The following ZNF7 variants were observed in gnomAD, a reference collection of about 807,000 sequenced individuals.
ZNF7 encodes zinc finger protein 7.
A neutral mutation model predicts 12.0 loss-of-function variants in ZNF7; 10 were observed. The ratio of observed to expected loss-of-function variants is 0.83; its 90% confidence interval spans 0.51 to 1.42. The LOEUF is 1.42. Among genes scored for constraint, ZNF7 ranks in the 40% most tolerant of loss-of-function variants. The pLI, the probability that ZNF7 is intolerant of heterozygous loss-of-function variation, is 0.00. For synonymous variants in ZNF7, 334 were observed against 295.0 expected (o/e 1.13, Z -1.35); for missense variants, 854 against 837.2 (o/e 1.02, Z -0.25).
chr8:144,845,952 G>T (rs144145548), downstream of ZNF7: 1 of 1,534,912 alleles, frequency 6.5e-7, no homozygotes, highest in East Asian at 2.4e-5. Context: ...TAGCACAGGG[G>T]TTGCTGTTGC....
At position 144,842,645 on chromosome 8, in the gene ZNF7, TTTAC is replaced by T. The variant is rs777122818; in HGVS notation, c.1539_1542del (p.Tyr514IlefsTer22). 6.2e-7 allele frequency: 1 copy of T among 1,614,170 alleles called. No homozygotes were observed. The highest frequency in any genetic ancestry group is 8.5e-7 in the Non-Finnish European group (1 of 1,180,052). On this transcript the variant is annotated frameshift_variant, in exon 5 of 5. Coordinates refer to ENST00000532777, the MANE Select transcript of ZNF7 (RefSeq NM_003416.4). LOFTEE classifies it low-confidence loss of function (END_TRUNC). ...GCCTTCAGTCAGAGTTCCAGCCTTA[TTTAC>T]CATCAGAGAATCCATAAAGGAGAGA...
intron 3 of ZNF7, among the ~76,000 whole-genome samples, chr8:144,831,509 C>T (rs1011375301): frequency 6.6e-6 from 1 of 152,134 alleles, no homozygotes; most frequent in Non-Finnish European, 1.5e-5. Flanking sequence ...TAGGGCCGGG[C>T]GCGGTGGCTC....
intron 3 of ZNF7, chr8:144,836,597 T>C (rs926383035): frequency 1.3e-5 from 2 of 152,286 alleles, no homozygotes; most frequent in African/African-American, 2.4e-5. Context: ...GGAGAGGATA[T>C]GCATTTTCTG....
intron 3 of ZNF7, 94 bp downstream of exon 3, chr8:144,829,698 G>T (rs878944113): frequency 6.8e-7 from 1 of 1,475,386 alleles, no homozygotes; most frequent in Non-Finnish European, 9.1e-7. Context: ...CAGGCCAAAC[G>T]CTCAGACCCT....
At position 144,842,510 on chromosome 8, in the gene ZNF7, C is replaced by T; in HGVS notation, c.1403C>T (p.Pro468Leu). Residue 468 changes from proline to leucine, a missense_variant, in exon 5 of 5, where the codon CCA becomes CTA. Coordinates refer to ENST00000532777, the MANE Select transcript of ZNF7 (RefSeq NM_003416.4). ...RHQRTHTGEK[P>L]FKCDECGKGF... ...CAGAGAACTCACACTGGAGAAAAAC[C>T]ATTTAAATGTGATGAGTGTGGCAAA... 9.3e-6 allele frequency: 15 copies of T among 1,614,160 alleles called. No individual in the cohort carries two copies. Among genetic ancestry groups the T allele is most frequent in the Non-Finnish European group, 1.3e-5 (15 of 1,180,040 alleles).
At chr8:144,829,226 G>C (rs1205286653) in intron 2 of ZNF7, 136 bp downstream of exon 2, 3 of 1,559,690 alleles carry the variant, frequency 1.9e-6, no homozygotes, top group Non-Finnish European at 2.6e-6. Context: ...CCAACCCCAA[G>C]GTAGTGAGCA....
rs1283697071 is a variant in ZNF7, at chr8:144,842,030, G to A, written c.923G>A (p.Cys308Tyr). Reference protein sequence around the residue: ...RIHTGEKPYRCEECGKAFGQS... With the variant: ...RIHTGEKPYRYEECGKAFGQS... ...CACACTGGGGAGAAGCCCTACAGAT[G>A]TGAGGAATGTGGAAAAGCTTTTGGT... Residue 308 changes from cysteine to tyrosine, a missense_variant, in exon 5 of 5, where the codon TGT becomes TAT. Coordinates refer to ENST00000532777, the MANE Select transcript of ZNF7 (RefSeq NM_003416.4). 2 of 1,614,214 alleles carry A rather than the reference G, an allele frequency of 1.2e-6. No individual in the cohort carries two copies. The highest frequency in any genetic ancestry group is 8.5e-7 in the Non-Finnish European group (1 of 1,180,026).
intron 3 of ZNF7, among the ~76,000 whole-genome samples, chr8:144,831,484 A>G (rs113532561): frequency 3.4e-4 from 51 of 152,196 alleles, no homozygotes; most frequent in Non-Finnish European, 6.5e-4. Context: ...AAAGGGTTTT[A>G]TAAAAACACT....
intron 2 of ZNF7, 108 bp downstream of exon 2, chr8:144,829,198 A>C: frequency 6.3e-7 from 1 of 1,583,584 alleles, no homozygotes; most frequent in Non-Finnish European, 8.6e-7. Context: ...TGCTGGGCTT[A>C]GGAAGGCCCC....
At chr8:144,830,935 T>A (rs757377033) in intron 3 of ZNF7, 2 of 457,328 alleles carry the variant, frequency 4.4e-6, no homozygotes, top group South Asian at 3.1e-5. Context: ...TCACAGCTTT[T>A]AGTGACCCCA....
intron 4 of ZNF7, chr8:144,838,175 C>T (rs781038168): frequency 4.3e-6 from 3 of 702,272 alleles, no homozygotes; most frequent in South Asian, 3.0e-5. Context: ...ATCTCCGACT[C>T]CTTCACACGG....
chr8:144,846,391 C>T (rs950698073), downstream of ZNF7: 1 of 560,660 alleles, frequency 1.8e-6, no homozygotes, highest in African/African-American at 1.9e-5. Context: ...CATTTGAAAA[C>T]TATGTTAAAA....
At chr8:144,841,142 C>A (rs1829852865) in intron 4 of ZNF7, 2 of 570,836 alleles carry the variant, frequency 3.5e-6, no homozygotes, top group Admixed American at 6.5e-5. Context: ...AATGAACATT[C>A]ATTGCTATCG....
At position 144,843,562 on chromosome 8, in the gene ZNF7, T is replaced by A. The variant is rs1022559532; in HGVS notation, c.*394T>A. ...GAGATCGCGCCACTGCACTCCAGCCTGGGTGACAGAGTGAGACTCCCTCTC... is the reference window on the plus strand; with the variant it reads ...GAGATCGCGCCACTGCACTCCAGCCAGGGTGACAGAGTGAGACTCCCTCTC... On this transcript the variant is annotated 3_prime_UTR_variant, in exon 5 of 5. Transcript: ENST00000532777. 2.2e-5 allele frequency: 3 copies of A among 133,548 alleles called. No homozygotes were observed. The highest frequency in any genetic ancestry group is 1.8e-4 in the Admixed American group (2 of 10,990). The allele number at this position is 133,548 out of a possible 1,614,324, so 8.3% of individuals were successfully genotyped here. A position where few individuals can be genotyped will look rare whatever the true frequency, so the allele number is the denominator to read the frequency against.
At position 144,841,780 on chromosome 8, in the gene ZNF7, T is replaced by C; in HGVS notation, c.673T>C (p.Cys225Arg). The C allele has an allele frequency of 1.2e-6, 2 of 1,614,148 alleles. No individual in the cohort carries two copies. The highest frequency in any genetic ancestry group is 1.7e-5 in the Admixed American group (1 of 60,024). Reference sequence around the variant, plus strand: ...AATTAATACACAGAAAATTAGCAGATGTCAAGAATGCCAAAAAAAGTTATC... The same window carrying C: ...AATTAATACACAGAAAATTAGCAGACGTCAAGAATGCCAAAAAAAGTTATC... ...WEINTQKISR[C>R]QECQKKLSDC... The change falls in exon 5 of 5, where the codon TGT becomes CGT. Residue 225 changes from cysteine (C) to arginine (R), a missense_variant. Transcript: ENST00000532777.
downstream of ZNF7, among the ~76,000 whole-genome samples, chr8:144,845,176 T>C (rs930199677): frequency 6.6e-6 from 1 of 152,174 alleles, no homozygotes; most frequent in African/African-American, 2.4e-5. Context: ...TTTCATTCTT[T>C]GTAGAAGCTC....
At chr8:144,833,831 A>C (rs1828710810) in intron 3 of ZNF7, 1 of 151,798 alleles carries the variant, frequency 6.6e-6, no homozygotes, top group African/African-American at 2.4e-5. Context: ...CCCAGGCTCG[A>C]GTGCAATGGC....
Position 144,838,035 on chromosome 8 carries a change from G to C in ZNF7, c.247+528G>C, listed in dbSNP as rs575720764. ...GTGGAGGCCGGAAATCTGAAACCGG[G>C]GGGTCAGCAAGCAGGGCCGTGCCCC... On this transcript the variant is annotated intron_variant, in intron 4 of 4. Coordinates refer to ENST00000532777, the MANE Select transcript of ZNF7 (RefSeq NM_003416.4). 44 of 697,680 alleles carry C rather than the reference G, an allele frequency of 6.3e-5. 1 individual carries two copies. In the East Asian group the frequency reaches 1.1e-3, roughly 17 times the overall value. 43.2% of individuals were successfully genotyped at this position (697,680 alleles called of 1,614,324 possible). A position where few individuals can be genotyped will look rare whatever the true frequency, so the allele number is the denominator to read the frequency against.
In ZNF7 at chr8:144,831,962, C is replaced by T. The variant is rs1263470945; in HGVS notation, c.130+2358C>T. Among the ~76,000 whole-genome samples, 3 of 100,740 alleles carry T rather than the reference C, an allele frequency of 3.0e-5. 1 individual carries two copies. The highest frequency in any genetic ancestry group is 7.5e-5 in the Non-Finnish European group (3 of 40,132). The allele number at this position is 100,740 out of a possible 152,430, so 66.1% of individuals were successfully genotyped here. On this transcript the variant is annotated intron_variant, in intron 3 of 4. Coordinates refer to ENST00000532777, the MANE Select transcript of ZNF7 (RefSeq NM_003416.4). ...CCTGGAAGGTCAAGGTTGGAGTCAG[C>T]TATGATTGTGCCACTGCAGTCCAGC...
Sources: gnomAD v4.1 joint callset for allele counts (sites outside exome capture counted in the v4.1 genomes callset) on GRCh38, gnomAD v4.1.1 for gene constraint, MANE v1.5 for transcripts, NCBI Gene and HGNC (gene_info 2026-07-23, HGNC 2026-07-21) for gene names.